GPR37: variants seen among roughly 807,000 people sequenced by gnomAD.
The protein encoded by GPR37 is prosaposin receptor GPR37.
Under a neutral mutation model 43.6 loss-of-function variants are expected in GPR37, and 20 were observed. The ratio of observed to expected loss-of-function variants is 0.46; its 90% confidence interval spans 0.32 to 0.67. The LOEUF is 0.67. Ranked by LOEUF, GPR37 falls within the 30% of genes least tolerant of loss-of-function variation. The probability of loss-of-function intolerance (pLI) is 0.03; values close to 1 mark genes in which losing one functional copy is unlikely to be tolerated. For synonymous variants in GPR37, 315 were observed against 322.6 expected (o/e 0.98, Z 0.25); for missense variants, 724 against 797.2 (o/e 0.91, Z 1.11).
At chr7:124,762,550 T>C (rs1028656104) in intron 1 of GPR37, among the ~76,000 whole-genome samples, 1 of 151,902 alleles carries the variant, frequency 6.6e-6, no homozygotes, top group African/African-American at 2.4e-5. Flanking sequence ...AATAGACACA[T>C]ATTCTCTAAC....
chr7:124,758,977 T>G (rs1327605286), intron 1 of GPR37, among the ~76,000 whole-genome samples: 1 of 152,182 alleles, frequency 6.6e-6, no homozygotes, highest in Non-Finnish European at 1.5e-5. Flanking sequence ...ATCTGGGATC[T>G]CGGTCAGATG....
chr7:124,756,178 G>T (rs887114569), intron 1 of GPR37, among the ~76,000 whole-genome samples: 2 of 152,130 alleles, frequency 1.3e-5, no homozygotes, highest in African/African-American at 4.8e-5. Flanking sequence ...TTTGAATTAG[G>T]AAGACAATAG....
At chr7:124,750,074 G>T (rs1793714967) in intron 1 of GPR37, among the ~76,000 whole-genome samples, 1 of 152,100 alleles carries the variant, frequency 6.6e-6, no homozygotes, top group Non-Finnish European at 1.5e-5. Flanking sequence ...GTTTTAAAAT[G>T]CCAGTAATTG....
chr7:124,762,630 T>C (rs1793863709), intron 1 of GPR37, among the ~76,000 whole-genome samples: 1 of 152,220 alleles, frequency 6.6e-6, no homozygotes, highest in South Asian at 2.1e-4. Context: ...GTTTCAGAGA[T>C]ACGCCAAGCT....
At chr7:124,751,246 T>TTGCCAAGAGGGA (rs1356513783) in intron 1 of GPR37, among the ~76,000 whole-genome samples, 4 of 151,928 alleles carry the variant, frequency 2.6e-5, no homozygotes, top group Non-Finnish European at 4.4e-5. Context: ...TGGGATGCAG[T>TTGCCAAGAGGGA]TGCTCTTGGC....
rs553516039 is a variant in GPR37 at position 124,746,354 on chromosome 7, T to A, written c.*171A>T. 33 of 478,662 alleles carry A rather than the reference T, an allele frequency of 6.9e-5. No homozygotes were observed. The South Asian group carries it at 2.0e-3, about 28-fold the overall frequency. 29.7% of individuals were successfully genotyped at this position (478,662 alleles called of 1,614,324 possible). Reference sequence around the variant, plus strand: ...TCTTCTTAAATAACTAAATAGAAACTTTTTTTCAAAGCACAAATATTAATT... The same window carrying A: ...TCTTCTTAAATAACTAAATAGAAACATTTTTTCAAAGCACAAATATTAATT... On this transcript the variant is annotated 3_prime_UTR_variant, in exon 2 of 2. Coordinates refer to ENST00000303921, the MANE Select transcript of GPR37 (RefSeq NM_005302.5).
rs1429674061 is a variant in GPR37 at position 124,759,477 on chromosome 7, T to A, written c.1023+4477A>T. 7.9e-5 allele frequency among the ~76,000 whole-genome samples: 12 copies of A among 152,152 alleles called. No individual in the cohort carries two copies. The East Asian group carries it at 1.9e-3, about 24-fold the overall frequency. On this transcript the variant is annotated intron_variant, in intron 1 of 1. Coordinates refer to ENST00000303921, the MANE Select transcript of GPR37 (RefSeq NM_005302.5). ...ATCCACACCCACACATATCTCCACC[T>A]CCCCTAATACACATAAAAGCACACT... is the stretch of plus-strand genomic sequence containing the variant.
In GPR37 at chr7:124,746,457, A is replaced by G; in HGVS notation, c.*68T>C. 2 of 1,178,738 alleles carry G rather than the reference A, an allele frequency of 1.7e-6. No homozygotes were observed. Among genetic ancestry groups the G allele is most frequent in the South Asian group, 3.8e-5 (2 of 53,090 alleles). 73.0% of individuals were successfully genotyped at this position (1,178,738 alleles called of 1,614,324 possible). ...TGCATTTTTCCCTATAAGGAAAAAT[A>G]TGAATTAAAAACTTTCACGGGATAT... On this transcript the variant is annotated 3_prime_UTR_variant, in exon 2 of 2. Transcript: ENST00000303921.
intron 1 of GPR37, among the ~76,000 whole-genome samples, chr7:124,750,927 T>G (rs1793723110): frequency 2.0e-5 from 3 of 152,188 alleles, no homozygotes; most frequent in Admixed American, 2.0e-4. Context: ...GTGTTTTATC[T>G]GAGGATGCTC....
chr7:124,759,470 C>G (rs1388448515), intron 1 of GPR37, among the ~76,000 whole-genome samples: 3 of 152,162 alleles, frequency 2.0e-5, no homozygotes, highest in African/African-American at 4.8e-5. Flanking sequence ...CCACACATAT[C>G]TCCACCTCCC....
At position 124,764,483 on chromosome 7, in the gene GPR37, C is replaced by T; in HGVS notation, c.494G>A (p.Ser165Asn). The change falls in exon 1 of 2, where the codon AGC becomes AAC. Residue 165 changes from serine to asparagine, a missense_variant. By Grantham distance (46) the Ser-to-Asn change is conservative (BLOSUM62 1). Around this residue, in one of 2 missense-constraint regions of GPR37, gnomAD observed 382 missense variants for 355.4 expected, o/e 1.07. Transcript: ENST00000303921. The surrounding 1 kb of genome is among the most constrained non-coding windows in gnomAD (Gnocchi z 5.4). ...GPRGAGISGR[S>N]QEQSVKTVPG... ...GACTGTCTTCACACTCTGCTCCTGGCTACGCCCGGAAATGCCAGCGCCTCT... is the reference window on the plus strand; with the variant it reads ...GACTGTCTTCACACTCTGCTCCTGGTTACGCCCGGAAATGCCAGCGCCTCT... 1.2e-6 allele frequency: 2 copies of T among 1,613,670 alleles called. No individual in the cohort carries two copies. Among genetic ancestry groups the T allele is most frequent in the Non-Finnish European group, 1.7e-6 (2 of 1,180,046 alleles).
rs1010679899 is a variant in GPR37, at chr7:124,765,108, T to C, written c.-132A>G. Reference sequence around the variant, plus strand: ...CGCCCGGGTAGCGGGGAACCGGAGATTAGGGTGATAGCGGAAGATCGGTCT... The same window carrying C: ...CGCCCGGGTAGCGGGGAACCGGAGACTAGGGTGATAGCGGAAGATCGGTCT... On this transcript the variant is annotated 5_prime_UTR_variant, in exon 1 of 2. Coordinates refer to ENST00000303921, the MANE Select transcript of GPR37 (RefSeq NM_005302.5). The C allele has an allele frequency of 6.3e-6, 5 of 787,662 alleles. No individual in the cohort carries two copies. The Admixed American group carries it at 1.8e-4, about 28-fold the overall frequency. The allele number at this position is 787,662 out of a possible 1,614,324, so 48.8% of individuals were successfully genotyped here.
At chr7:124,761,529 C>T (rs1350784758) in intron 1 of GPR37, among the ~76,000 whole-genome samples, 1 of 152,202 alleles carries the variant, frequency 6.6e-6, no homozygotes, top group Non-Finnish European at 1.5e-5. Flanking sequence ...CAACTTCTCC[C>T]TTTGCCCGCC....
chr7:124,753,808 C>T (rs1793758506), intron 1 of GPR37, among the ~76,000 whole-genome samples: 1 of 152,062 alleles, frequency 6.6e-6, no homozygotes, highest in South Asian at 2.1e-4. Flanking sequence ...AAATATACCT[C>T]AGCTTTCAAA....
At position 124,745,135 on chromosome 7, in the gene GPR37, T is replaced by C. The variant is rs995291378; in HGVS notation, c.*1390A>G. 2.0e-5 allele frequency: 3 copies of C among 152,190 alleles called. No individual in the cohort carries two copies. Among genetic ancestry groups the C allele is most frequent in the South Asian group, 2.1e-4 (1 of 4,836 alleles). 9.4% of individuals were successfully genotyped at this position (152,190 alleles called of 1,614,324 possible). ...ATGATTTTTAAATAACATCATGTTATAATTTGGAAAAAGGAATACTGACTT... is the reference window on the plus strand; with the variant it reads ...ATGATTTTTAAATAACATCATGTTACAATTTGGAAAAAGGAATACTGACTT... On this transcript the variant is annotated 3_prime_UTR_variant, in exon 2 of 2. Coordinates refer to ENST00000303921, the MANE Select transcript of GPR37 (RefSeq NM_005302.5).
chr7:124,764,160 C>G lies in GPR37; in HGVS notation c.817G>C (p.Gly273Arg). 1 of 1,602,610 alleles carries G rather than the reference C, an allele frequency of 6.2e-7. No individual in the cohort carries two copies. The highest frequency in any genetic ancestry group is 8.5e-7 in the Non-Finnish European group (1 of 1,173,802). Residue 273 changes from glycine (G) to arginine (R), a missense_variant, in exon 1 of 2, where the codon GGG becomes CGG. Physicochemically the swap from Gly to Arg is moderately radical, Grantham distance 125. This residue lies in a region of GPR37 where 342 missense variants were observed against 441.8 expected (regional missense o/e 0.77). Transcript: ENST00000303921. The surrounding 1 kb of genome is among the most constrained non-coding windows in gnomAD (Gnocchi z 5.4). ...AVMCLSVVIFGTGIIGNLAVM... is the reference protein window; with the variant it reads ...AVMCLSVVIFRTGIIGNLAVM... Reference sequence around the variant, plus strand: ...GCCAGGTTGCCAATGATGCCGGTCCCGAAGATCACCACGGACAGACACATG... The same window carrying G: ...GCCAGGTTGCCAATGATGCCGGTCCGGAAGATCACCACGGACAGACACATG...
chr7:124,761,882 A>T (rs891809364), intron 1 of GPR37, among the ~76,000 whole-genome samples: 2 of 152,218 alleles, frequency 1.3e-5, no homozygotes, highest in African/African-American at 4.8e-5. Context: ...TCACTATTTT[A>T]ACAGTAAAAA....
At position 124,745,079 on chromosome 7, in the gene GPR37, C is replaced by T. The variant is rs1429169667; in HGVS notation, c.*1446G>A. Reference sequence around the variant, plus strand: ...AAAAAGGAGATAGCCTGGGCACTGCCATTTAAGTTTCACCTGCACCAATCT... The same window carrying T: ...AAAAAGGAGATAGCCTGGGCACTGCTATTTAAGTTTCACCTGCACCAATCT... On this transcript the variant is annotated 3_prime_UTR_variant, in exon 2 of 2. Coordinates refer to ENST00000303921, the MANE Select transcript of GPR37 (RefSeq NM_005302.5). 23 of 152,140 alleles carry T rather than the reference C, an allele frequency of 1.5e-4. No individual in the cohort carries two copies. Among genetic ancestry groups the T allele is most frequent in the Admixed American group, 1.5e-3 (23 of 15,264 alleles). 9.4% of individuals were successfully genotyped at this position (152,140 alleles called of 1,614,324 possible). A position where few individuals can be genotyped will look rare whatever the true frequency, so the allele number is the denominator to read the frequency against.
chr7:124,749,113 C>A (rs1320822541), intron 1 of GPR37, among the ~76,000 whole-genome samples: 1 of 151,980 alleles, frequency 6.6e-6, no homozygotes, highest in Non-Finnish European at 1.5e-5. Flanking sequence ...CTCAAAGTTA[C>A]AACATAAACA....
Sources: allele counts gnomAD v4.1 joint callset (sites outside exome capture counted in the v4.1 genomes callset), GRCh38; gene constraint gnomAD v4.1.1; regional missense constraint gnomAD v4.1.1; non-coding constraint Gnocchi (gnomAD v3.1); transcripts MANE v1.5; gene names NCBI Gene and HGNC (gene_info 2026-07-23, HGNC 2026-07-21).